Variants in SORBS2 observed in about 807,000 individuals in gnomAD.
SORBS2 encodes the protein sorbin and SH3 domain containing 2, also known as sorbin and SH3 domain-containing protein 2.
A neutral mutation model predicts 97.7 loss-of-function variants in SORBS2; 46 were observed. The observed-to-expected ratio is 0.47, with a 90% CI of 0.37 to 0.60. The LOEUF is 0.60. Ranked by LOEUF, SORBS2 falls within the 20% of genes least tolerant of loss-of-function variation. The pLI, the probability that SORBS2 is intolerant of heterozygous loss-of-function variation, is 0.00. For synonymous variants in SORBS2, 476 were observed against 473.4 expected, an observed-to-expected ratio of 1.01 and a Z score of -0.07; for missense variants, 1,316 against 1,282.3, an observed-to-expected ratio of 1.03 and a Z score of -0.40.
chr4:185,800,014 A>G (rs1288747818), intron 1 of SORBS2, among the ~76,000 whole-genome samples: 2 of 152,172 alleles, frequency 1.3e-5, no homozygotes, highest in Non-Finnish European at 2.9e-5. Flanking sequence ...CCTGGCCAAC[A>G]TGGTGAAACC....
chr4:185,718,585 A>G (rs1051429468), intron 2 of SORBS2, among the ~76,000 whole-genome samples: 1 of 152,234 alleles, frequency 6.6e-6, no homozygotes, highest in Admixed American at 6.5e-5. Flanking sequence ...CAGTTGGCGT[A>G]CAGGTTACCT....
intron 2 of SORBS2, among the ~76,000 whole-genome samples, chr4:185,768,478 GGTCTGGACTATGAGACCA>G (rs2098949510): frequency 6.6e-6 from 1 of 152,020 alleles, no homozygotes. Flanking sequence ...GATCACTTGA[GGTCTGGACTATGAGACCA>G]GCCTGGCAGC....
intron 1 of SORBS2, among the ~76,000 whole-genome samples, chr4:185,923,519 G>A (rs1317435702): frequency 2.2e-5 from 3 of 135,066 alleles, no homozygotes; most frequent in Admixed American, 8.1e-5. Flanking sequence ...GCCCAGGCTG[G>A]TCTCCAGCTC....
At chr4:185,913,224 C>T (rs1201797671) in intron 1 of SORBS2, among the ~76,000 whole-genome samples, 4 of 152,174 alleles carry the variant, frequency 2.6e-5, no homozygotes, top group Non-Finnish European at 5.9e-5. Context: ...TGTCCTGTTA[C>T]ATAAACAAGC....
intron 1 of SORBS2, among the ~76,000 whole-genome samples, chr4:185,782,339 T>C (rs1368428499): frequency 6.6e-6 from 1 of 152,250 alleles, no homozygotes; most frequent in African/African-American, 2.4e-5. Flanking sequence ...TATAATATGT[T>C]CTGTTATCTT....
intron 4 of SORBS2, among the ~76,000 whole-genome samples, chr4:185,668,214 A>T (rs1476897504): frequency 6.6e-6 from 1 of 152,226 alleles, no homozygotes; most frequent in Non-Finnish European, 1.5e-5. Flanking sequence ...AGCGTATTCT[A>T]AAATCACCAT....
intron 1 of SORBS2, among the ~76,000 whole-genome samples, chr4:185,937,851 T>C (rs960327850): frequency 6.6e-5 from 10 of 152,138 alleles, no homozygotes; most frequent in African/African-American, 2.2e-4. Flanking sequence ...TTCTGTGCTA[T>C]GTAAGTGGAG....
At chr4:185,720,886 C>T (rs188805218) in intron 2 of SORBS2, among the ~76,000 whole-genome samples, 36 of 152,112 alleles carry the variant, frequency 2.4e-4, no homozygotes, top group Non-Finnish European at 3.2e-4. Context: ...GCCACGGCTC[C>T]GACACAAAGT....
chr4:185,608,513 ACT>A (rs33979963), intron 12 of SORBS2, among the ~76,000 whole-genome samples: 78,574 of 151,436 alleles, frequency 0.52, 20,652 homozygotes, highest in African/African-American at 0.6. Context: ...AGTAAAATAT[ACT>A]TACTTCTACA....
At chr4:185,690,763 T>C (rs1246968886) in intron 2 of SORBS2, among the ~76,000 whole-genome samples, 152 bp from the exon 4 acceptor site, 1 of 152,202 alleles carries the variant, frequency 6.6e-6, no homozygotes, top group Non-Finnish European at 1.5e-5. Flanking sequence ...GTAGGAAGAA[T>C]TTATAATTCT....
intron 12 of SORBS2, among the ~76,000 whole-genome samples, chr4:185,601,067 C>A (rs866612084): frequency 6.6e-6 from 1 of 152,180 alleles, no homozygotes; most frequent in Non-Finnish European, 1.5e-5. Flanking sequence ...GAATAAAACA[C>A]GCTTAAATAA....
At chr4:185,659,832 G>A (rs772192119), upstream of SORBS2, among the ~76,000 whole-genome samples, 7 of 152,164 alleles carry the variant, frequency 4.6e-5, no homozygotes, top group Non-Finnish European at 8.8e-5. Flanking sequence ...TATTAGCGAC[G>A]AATGTTTTTT....
intron 2 of SORBS2, among the ~76,000 whole-genome samples, chr4:185,751,190 A>AAAAAAAAGAG: frequency 3.1e-4 from 27 of 86,478 alleles, no homozygotes; most frequent in African/African-American, 7.8e-4. Context: ...AAAAAAAAAA[A>AAAAAAAAGAG]AGAGAAAGAG....
chr4:185,911,424 T>C (rs556937830), intron 1 of SORBS2, among the ~76,000 whole-genome samples: 1 of 152,118 alleles, frequency 6.6e-6, no homozygotes, highest in African/African-American at 2.4e-5. Flanking sequence ...AGGTGGAGTC[T>C]CACTATATTG....
Position 185,639,038 on chromosome 4 carries a change from G to C in SORBS2, c.396+7630C>G. The stretch of plus-strand genomic sequence containing the variant: ...GTCGGAGTTGTTGGGAGAGGGGGCT[G>C]CAAGAAAGAGGGGTGCAGAAACTGG... On this transcript the variant is annotated intron_variant, in intron 4 of 14. Coordinates refer to ENST00000418609, the Ensembl canonical transcript of SORBS2. The C allele has an allele frequency of 6.6e-7, 1 of 1,513,232 alleles. No individual in the cohort carries two copies. The highest frequency in any genetic ancestry group is 8.8e-7 in the Non-Finnish European group (1 of 1,131,536). The allele number at this position is 1,513,232 out of a possible 1,614,324, so 93.7% of individuals were successfully genotyped here. A position where few individuals can be genotyped will look rare whatever the true frequency, so the allele number is the denominator to read the frequency against.
At chr4:185,852,701 C>T (rs1397147462) in intron 1 of SORBS2, among the ~76,000 whole-genome samples, 1 of 152,180 alleles carries the variant, frequency 6.6e-6, no homozygotes, top group African/African-American at 2.4e-5. Context: ...CTGCTCACAG[C>T]TCTTTCTAAT....
At chr4:185,916,933 C>G (rs1240012152) in intron 1 of SORBS2, among the ~76,000 whole-genome samples, 1 of 152,208 alleles carries the variant, frequency 6.6e-6, no homozygotes, top group African/African-American at 2.4e-5. Context: ...CAGGATGGGG[C>G]TGGGTACCAG....
At chr4:185,844,361 A>C (rs2099213297) in intron 1 of SORBS2, among the ~76,000 whole-genome samples, 1 of 152,230 alleles carries the variant, frequency 6.6e-6, no homozygotes, top group East Asian at 1.9e-4. Flanking sequence ...AAAGATGCCC[A>C]ACAGCGTTGG....
chr4:185,768,712 C>CCA (rs2098951597), intron 2 of SORBS2, among the ~76,000 whole-genome samples: 1 of 116,804 alleles, frequency 8.6e-6, no homozygotes, highest in African/African-American at 3.3e-5. Context: ...AAAAAAAAAA[C>CCA]AAAAAAACAA....
Sources: allele counts gnomAD v4.1 joint callset (sites outside exome capture counted in the v4.1 genomes callset), GRCh38; gene constraint gnomAD v4.1.1; transcripts MANE v1.5; gene names NCBI Gene and HGNC (gene_info 2026-07-23, HGNC 2026-07-21).